Variants in DCLRE1C observed in about 807,000 individuals in gnomAD.
The protein encoded by DCLRE1C is DNA cross-link repair 1C.
DCLRE1C carries 47 observed loss-of-function variants against 61.4 expected under a neutral mutation model. The observed-to-expected ratio is 0.77, with a 90% CI of 0.61 to 0.98. The LOEUF (loss-of-function observed/expected upper bound fraction) is 0.98. DCLRE1C is among the 50% of genes least tolerant of loss of function. The pLI is 0.00. For missense variants in DCLRE1C, 858 were observed against 816.0 expected, an observed-to-expected ratio of 1.05 and a Z score of -0.63; for synonymous variants, 337 against 287.6, an observed-to-expected ratio of 1.17 and a Z score of -1.74.
At chr10:14,944,414 A>T (rs55972711) in intron 3 of DCLRE1C, among the ~76,000 whole-genome samples, 2 of 152,008 alleles carry the variant, frequency 1.3e-5, no homozygotes, top group Non-Finnish European at 2.9e-5. Flanking sequence ...CAGGAGAATC[A>T]CTTGAACCCA....
intron 2 of DCLRE1C, chr10:14,947,385 C>A (rs1231155186): frequency 6.6e-6 from 1 of 152,174 alleles, no homozygotes. Flanking sequence ...GGCTGGGAAA[C>A]CATTCCCATT....
At chr10:14,900,483 C>A (rs1051814134), downstream of DCLRE1C, among the ~76,000 whole-genome samples, 2 of 152,088 alleles carry the variant, frequency 1.3e-5, no homozygotes, top group African/African-American at 2.4e-5. Flanking sequence ...AGCTTCTGGG[C>A]CCTTGTTTGT....
At chr10:14,917,871 C>T (rs1295613708) in intron 13 of DCLRE1C, among the ~76,000 whole-genome samples, 1 of 152,084 alleles carries the variant, frequency 6.6e-6, no homozygotes, top group African/African-American at 2.4e-5. Flanking sequence ...AGACACTTCA[C>T]CAATGAAGAT....
chr10:14,917,887 G>A (rs1461754103), intron 13 of DCLRE1C, among the ~76,000 whole-genome samples: 1 of 152,140 alleles, frequency 6.6e-6, no homozygotes. Flanking sequence ...AAGATACATG[G>A]ATGGCAAATA....
chr10:14,899,450 T>G (rs1833841503), intron 13 of DCLRE1C: 5 of 1,368,308 alleles, frequency 3.7e-6, no homozygotes, highest in Admixed American at 1.9e-5. Context: ...TTTTAAATAT[T>G]TGTAGGTATT....
intron 13 of DCLRE1C, among the ~76,000 whole-genome samples, chr10:14,910,356 C>T (rs928320151): frequency 2.6e-5 from 4 of 152,168 alleles, no homozygotes; most frequent in African/African-American, 9.6e-5. Flanking sequence ...AGCCAAAGAT[C>T]ATATGTATGT....
chr10:14,919,890 A>G (rs1836817006), intron 12 of DCLRE1C, 58 bp from the exon 13 acceptor site: 7 of 1,354,896 alleles, frequency 5.2e-6, no homozygotes, highest in Non-Finnish European at 7.4e-6. Context: ...GAAGGTAGAC[A>G]TCATTGATAG....
upstream of DCLRE1C, chr10:14,954,230 C>T (rs1842863714): frequency 1.5e-5 from 10 of 686,036 alleles, no homozygotes; most frequent in South Asian, 1.7e-4. Context: ...ACCCGCGCTT[C>T]GCTGCACGCG....
chr10:14,953,585 G>T (rs553154215), intron 1 of DCLRE1C, among the ~76,000 whole-genome samples: 1 of 152,030 alleles, frequency 6.6e-6, no homozygotes, highest in East Asian at 1.9e-4. Context: ...ATGGTAGCGA[G>T]GCTCTGAGGG....
In DCLRE1C at chr10:14,908,681, G is replaced by A; in HGVS notation, c.1806C>T (p.Tyr602=). 1.2e-6 allele frequency: 2 copies of A among 1,614,194 alleles called. No individual in the cohort carries two copies. Among genetic ancestry groups the A allele is most frequent in the Non-Finnish European group, 8.5e-7 (1 of 1,180,042 alleles). The part of the protein sequence containing the change: ...EQNVICPKDT[Y]SDLKSRDKDV... ...CTTTATCTCTGCTTTTCAAATCAGAGTAAGTATCCTTTGGGCAAATTACAT... is the reference window on the plus strand; with the variant it reads ...CTTTATCTCTGCTTTTCAAATCAGAATAAGTATCCTTTGGGCAAATTACAT... Residue 602 remains tyrosine (Y), a synonymous_variant, in exon 14 of 14, where the codon TAC becomes TAT. Transcript: ENST00000378278.
chr10:14,926,221 C>G (rs899385090), intron 11 of DCLRE1C, among the ~76,000 whole-genome samples: 7 of 152,164 alleles, frequency 4.6e-5, no homozygotes, highest in Admixed American at 3.9e-4. Flanking sequence ...TTGCCTTGTT[C>G]TACCTGAGCC....
chr10:14,932,834 G>C lies in DCLRE1C; in HGVS notation c.780+20C>G. 2 of 1,612,346 alleles carry C rather than the reference G, an allele frequency of 1.2e-6. No individual in the cohort carries two copies. Among genetic ancestry groups the C allele is most frequent in the Non-Finnish European group, 1.7e-6 (2 of 1,178,382 alleles). ...CATAGATTACACAAACAATACGAGA[G>C]GAATCACTTGCACACGTACCTTGGG... On this transcript the variant is annotated intron_variant, in intron 9 of 13. Coordinates refer to ENST00000378278, the MANE Select transcript of DCLRE1C (RefSeq NM_001033855.3).
chr10:14,935,396 GAC>G, intron 6 of DCLRE1C, 65 bp downstream of exon 6: 1 of 1,543,838 alleles, frequency 6.5e-7, no homozygotes, highest in Non-Finnish European at 8.9e-7. Flanking sequence ...AACTCTGGGC[GAC>G]ACAGCAAGAC....
Position 14,923,063 on chromosome 10 carries a change from C to A in DCLRE1C, c.979G>T (p.Asp327Tyr). 1 of 1,613,358 alleles carries A rather than the reference C, an allele frequency of 6.2e-7. No homozygotes were observed. The highest frequency in any genetic ancestry group is 1.7e-5 in the Admixed American group (1 of 60,018). Residue 327 changes from aspartate to tyrosine, a missense_variant, in exon 12 of 14, where the codon GAT becomes TAT. Around this residue, in one of 2 missense-constraint regions of DCLRE1C, gnomAD observed 843 missense variants for 783.5 expected, o/e 1.08. Coordinates refer to ENST00000378278, the MANE Select transcript of DCLRE1C (RefSeq NM_001033855.3). ...ACAGGACAGAGGTAGCTCAAGAAAT[C>A]TTTAATCTAGAAAAAGGAAAATCAC... Reference protein sequence around the residue: ...SFHSSYSEIKDFLSYLCPVNA... With the variant: ...SFHSSYSEIKYFLSYLCPVNA...
chr10:14,951,784 C>T (rs1842502383), intron 1 of DCLRE1C, among the ~76,000 whole-genome samples: 3 of 152,156 alleles, frequency 2.0e-5, no homozygotes, highest in Non-Finnish European at 2.9e-5. Context: ...TAGGACACCA[C>T]GGTAGGACCC....
In DCLRE1C at chr10:14,904,635, A is replaced by G. The variant is rs527450894; in HGVS notation, c.*3773T>C. ...ATGTAGTTTTGTTTTGTCTTTATTG[A>G]TAGAATGTAATGGGCCTTTGGGATC... On this transcript the variant is annotated 3_prime_UTR_variant, in exon 14 of 14. Transcript: ENST00000378278. Among the ~76,000 whole-genome samples the G allele has an allele frequency of 4.6e-5, 7 of 152,304 alleles. No individual in the cohort carries two copies. The highest frequency in any genetic ancestry group is 1.7e-4 in the African/African-American group (7 of 41,568).
chr10:14,930,193 C>T (rs1351096132), intron 9 of DCLRE1C, among the ~76,000 whole-genome samples: 1 of 151,156 alleles, frequency 6.6e-6, no homozygotes, highest in Non-Finnish European at 1.5e-5. Flanking sequence ...CTTACTGCAA[C>T]CTCCACCTCC....
At chr10:14,928,569 C>T (rs1838417407) in intron 9 of DCLRE1C, among the ~76,000 whole-genome samples, 1 of 152,116 alleles carries the variant, frequency 6.6e-6, no homozygotes, top group African/African-American at 2.4e-5. Context: ...ACTATATGAA[C>T]ACAAAATGTT....
In DCLRE1C at chr10:14,928,083, T is replaced by C. The variant is rs752481832; in HGVS notation, c.850A>G (p.Ile284Val). 10 of 1,613,856 alleles carry C rather than the reference T, an allele frequency of 6.2e-6. No homozygotes were observed. In the East Asian group the frequency reaches 1.8e-4, roughly 29 times the overall value. The change falls in exon 10 of 14, where the codon ATA becomes GTA. Residue 284 changes from isoleucine to valine, a missense_variant. By Grantham distance (29) the Ile-to-Val change is conservative (BLOSUM62 3). Coordinates refer to ENST00000378278, the MANE Select transcript of DCLRE1C (RefSeq NM_001033855.3). ...ATGGTGGATGGCTTAATGCTGATTA[T>C]GTGGAGTGGAATTCTATTTCTGGAA... ...ITSRNRIPLH[I>V]ISIKPSTMWF...
Sources: gnomAD v4.1 joint callset for allele counts (sites outside exome capture counted in the v4.1 genomes callset) on GRCh38, gnomAD v4.1.1 for gene constraint, gnomAD v4.1.1 regional missense constraint, MANE v1.5 for transcripts, NCBI Gene and HGNC (gene_info 2026-07-23, HGNC 2026-07-21) for gene names.